The following SIPA1L3 variants were observed in gnomAD, a reference collection of about 807,000 sequenced individuals.
SIPA1L3 encodes the protein signal induced proliferation associated 1 like 3.
SIPA1L3 carries 59 observed loss-of-function variants against 150.1 expected under a neutral mutation model. The ratio of observed to expected loss-of-function variants is 0.39; its 90% CI spans 0.32 to 0.49. SIPA1L3 has a LOEUF of 0.49. Among genes scored for constraint, SIPA1L3 ranks in the 20% least tolerant of loss-of-function variants. SIPA1L3 has a pLI of 0.86. For synonymous variants in SIPA1L3, 1,070 were observed against 1,077.6 expected, an observed-to-expected ratio of 0.99 and a Z score of 0.14; for missense variants, 2,211 against 2,489.5, an observed-to-expected ratio of 0.89 and a Z score of 2.38.
chr19:38,074,450 C>T (rs916052059), intron 2 of SIPA1L3, among the ~76,000 whole-genome samples: 2 of 152,244 alleles, frequency 1.3e-5, no homozygotes, highest in Non-Finnish European at 2.9e-5. Flanking sequence ...AATCCTCCCT[C>T]CGCACTCTGC....
At chr19:37,985,431 G>A (rs2145623910) in intron 1 of SIPA1L3, among the ~76,000 whole-genome samples, 1 of 152,276 alleles carries the variant, frequency 6.6e-6, no homozygotes, top group South Asian at 2.1e-4. Flanking sequence ...GGGAGGCTGA[G>A]ACAGGAGGAT....
At chr19:38,069,657 T>C (rs549285497) in intron 2 of SIPA1L3, among the ~76,000 whole-genome samples, 66 of 151,962 alleles carry the variant, frequency 4.3e-4, no homozygotes, top group East Asian at 3.3e-3. Flanking sequence ...GATACCTATA[T>C]ATTTTTTTTT....
chr19:37,990,873 CT>C (rs1967488607), intron 1 of SIPA1L3, among the ~76,000 whole-genome samples: 2 of 152,152 alleles, frequency 1.3e-5, no homozygotes, highest in South Asian at 2.1e-4. Flanking sequence ...TGTTGTTAGC[CT>C]TTTTTTCCAG....
At chr19:38,193,305 C>T (rs994538035) in intron 17 of SIPA1L3, among the ~76,000 whole-genome samples, 12 of 144,432 alleles carry the variant, frequency 8.3e-5, no homozygotes, top group African/African-American at 3.1e-4. Context: ...GCTGAGATCG[C>T]CCCATTATAC....
chr19:38,007,385 G>A (rs1027233230), intron 1 of SIPA1L3, among the ~76,000 whole-genome samples: 3 of 151,192 alleles, frequency 2.0e-5, no homozygotes, highest in East Asian at 1.9e-4. Flanking sequence ...CCCGGGAGGC[G>A]GAGGTTGCGG....
At chr19:37,977,337 G>C (rs949319332) in intron 1 of SIPA1L3, among the ~76,000 whole-genome samples, 1 of 150,464 alleles carries the variant, frequency 6.6e-6, no homozygotes, top group Non-Finnish European at 1.5e-5. Flanking sequence ...GCTAATTTTT[G>C]TGGTTTTAGC....
Position 38,204,068 on chromosome 19 carries a change from C to T in SIPA1L3, c.5121-59C>T, listed in dbSNP as rs1600213491. 13 of 1,412,496 alleles carry T rather than the reference C, an allele frequency of 9.2e-6. No homozygotes were observed. In the East Asian group the frequency reaches 3.2e-4, roughly 35 times the overall value. The allele number at this position is 1,412,496 out of a possible 1,614,324, so 87.5% of individuals were successfully genotyped here. On this transcript the variant is annotated intron_variant, in intron 20 of 21. Coordinates refer to ENST00000222345, the MANE Select transcript of SIPA1L3 (RefSeq NM_015073.3). ...ACCCCCAGGCTCCTCAGATGTGGGC[C>T]AGAAGCCTTCCCCAGGGGCTTTAGG...
chr19:38,195,019 C>G (rs980228157), intron 18 of SIPA1L3, among the ~76,000 whole-genome samples: 1 of 152,016 alleles, frequency 6.6e-6, no homozygotes, highest in Non-Finnish European at 1.5e-5. Flanking sequence ...CCACTGCACT[C>G]CAGCCTGGGT....
At chr19:38,196,422 T>TGGAGGTCAAGGGCAGAGCAA (rs1972940984) in intron 18 of SIPA1L3, among the ~76,000 whole-genome samples, 1 of 135,832 alleles carries the variant, frequency 7.4e-6, no homozygotes, top group Non-Finnish European at 1.6e-5. Flanking sequence ...GGGCAGAGCA[T>TGGAGGTCAAGGGCAGAGCAA]GGAGGTCAAG....
intron 1 of SIPA1L3, among the ~76,000 whole-genome samples, chr19:38,021,879 A>T (rs1968380275): frequency 6.6e-6 from 1 of 152,176 alleles, no homozygotes; most frequent in Admixed American, 6.5e-5. Flanking sequence ...GGAGAGGGGA[A>T]ATGCTTCTCT....
chr19:38,000,912 C>CAT (rs58090023), intron 1 of SIPA1L3, among the ~76,000 whole-genome samples: 65,207 of 137,582 alleles, frequency 0.47, 16,606 homozygotes, highest in African/African-American at 0.65. Flanking sequence ...ATATATATAA[C>CAT]ATATATATAA....
intron 3 of SIPA1L3, 150 bp downstream of exon 3, chr19:38,083,249 A>G: frequency 2.4e-6 from 2 of 848,058 alleles, no homozygotes; most frequent in Non-Finnish European, 3.6e-6. Context: ...GGCTGTGAGG[A>G]TCCGGTGAGC....
chr19:38,055,659 A>G (rs1051917891), intron 2 of SIPA1L3, among the ~76,000 whole-genome samples: 5 of 152,254 alleles, frequency 3.3e-5, no homozygotes, highest in African/African-American at 1.2e-4. Context: ...GGATTTGACA[A>G]CCAGCAGTGG....
chr19:38,204,220 G>A lies in SIPA1L3; in HGVS notation c.5202+12G>A, dbSNP rs1973154594. On this transcript the variant is annotated intron_variant, in intron 21 of 21. Transcript: ENST00000222345. ...CTGACCTGCAGAAGGTAAGGCCGGG[G>A]GCCACGCCCTCTCCATCCCACTTCC... 6.4e-7 allele frequency: 1 copy of A among 1,550,716 alleles called. No homozygotes were observed. The highest frequency in any genetic ancestry group is 8.7e-7 in the Non-Finnish European group (1 of 1,146,822).
At chr19:38,128,491 A>G (rs1971228890) in intron 9 of SIPA1L3, among the ~76,000 whole-genome samples, 1 of 152,210 alleles carries the variant, frequency 6.6e-6, no homozygotes, top group African/African-American at 2.4e-5. Flanking sequence ...TTGAATTGCA[A>G]GGAATATTTG....
chr19:37,932,440 A>C (rs1179766741), intron 1 of SIPA1L3: 1 of 125,524 alleles, frequency 8.0e-6, no homozygotes, highest in Admixed American at 7.6e-5. Flanking sequence ...CTCCTGGGGA[A>C]CTCCGGTGGC....
At chr19:37,994,483 C>A (rs1227862548) in intron 1 of SIPA1L3, among the ~76,000 whole-genome samples, 1 of 152,074 alleles carries the variant, frequency 6.6e-6, no homozygotes, top group Non-Finnish European at 1.5e-5. Flanking sequence ...CTGTTCGGCC[C>A]CCTTTGCCTC....
intron 3 of SIPA1L3, 55 bp downstream of exon 3, chr19:38,083,154 AC>A (rs1195392020): frequency 4.1e-6 from 6 of 1,471,824 alleles, no homozygotes; most frequent in Non-Finnish European, 5.6e-6. Context: ...TGCCTCCGAG[AC>A]CCCCACTACT....
In SIPA1L3 at chr19:38,164,497, A is replaced by C; in HGVS notation, c.3799A>C (p.Ser1267Arg). ...CTCTCAGGGAGAACCTCAATACTCA[A>C]GTCATTCCAGCAGCAACACCCTCTC... ...RHSKGEPQYS[S>R]HSSSNTLSSN... The change falls in exon 15 of 22, where the codon AGT (serine) becomes CGT (arginine). Residue 1267 changes from serine to arginine, a missense_variant. Coordinates refer to ENST00000222345, the MANE Select transcript of SIPA1L3 (RefSeq NM_015073.3). This position sits in a 1 kb window ranked among gnomAD's most constrained non-coding sequence, Gnocchi z 4.1. 1.9e-6 allele frequency: 3 copies of C among 1,611,920 alleles called. No individual in the cohort carries two copies. Among genetic ancestry groups the C allele is most frequent in the Non-Finnish European group, 2.5e-6 (3 of 1,178,418 alleles).
Sources: allele counts gnomAD v4.1 joint callset (sites outside exome capture counted in the v4.1 genomes callset), GRCh38; gene constraint gnomAD v4.1.1; non-coding constraint Gnocchi (gnomAD v3.1); transcripts MANE v1.5; gene names NCBI Gene and HGNC (gene_info 2026-07-23, HGNC 2026-07-21).